The following APLP2 variants were observed in gnomAD, a reference collection of about 807,000 sequenced individuals.
The protein encoded by APLP2 is amyloid beta precursor like protein 2, also known as CDEI box-binding protein.
APLP2 carries 53 observed loss-of-function variants against 89.9 expected under a neutral mutation model. The observed-to-expected ratio is 0.59, with a 90% CI of 0.47 to 0.74. APLP2 has a LOEUF of 0.74. APLP2 is among the 30% of genes least tolerant of loss of function. The pLI is 0.00. For synonymous variants in APLP2, 372 were observed against 348.6 expected (o/e 1.07, Z -0.75); for missense variants, 973 against 975.9 (o/e 1.00, Z 0.04).
At chr11:130,115,207 TA>T (rs1407884200) in intron 3 of APLP2, among the ~76,000 whole-genome samples, 4 of 151,816 alleles carry the variant, frequency 2.6e-5, no homozygotes, top group East Asian at 1.9e-4. Flanking sequence ...TATTTATTAT[TA>T]TTTTTTTAAT....
intron 1 of APLP2, among the ~76,000 whole-genome samples, chr11:130,092,710 A>AGGGGGG (rs1190624016): frequency 1.3e-4 from 2 of 15,334 alleles, no homozygotes; most frequent in Admixed American, 6.9e-4. Flanking sequence ...GGGGGGAGGG[A>AGGGGGG]GGGGGAGGGG....
chr11:130,104,233 T>TTTG (rs1491108041), intron 1 of APLP2, among the ~76,000 whole-genome samples: 16 of 127,166 alleles, frequency 1.3e-4, no homozygotes, highest in African/African-American at 4.2e-4. Context: ...TTTTTTTTTT[T>TTTG]GAGACAGATT....
intron 5 of APLP2, 85 bp downstream of exon 5, chr11:130,121,895 A>C (rs1949868152): frequency 3.3e-6 from 5 of 1,538,302 alleles, no homozygotes; most frequent in Middle Eastern, 2.4e-4. Context: ...CTAGTCCCTC[A>C]CTTCTGGATA....
intron 1 of APLP2, chr11:130,101,810 A>G (rs1946967275): frequency 5.1e-6 from 2 of 391,234 alleles, no homozygotes; most frequent in East Asian, 7.4e-5. Flanking sequence ...CAGCACTGTT[A>G]ACTGACTTAC....
chr11:130,126,508 TG>T (rs1399219940), intron 7 of APLP2, among the ~76,000 whole-genome samples, 191 bp from the exon 8 acceptor site: 1 of 152,228 alleles, frequency 6.6e-6, no homozygotes, highest in Non-Finnish European at 1.5e-5. Context: ...CTGACATGGT[TG>T]ATGAATATTG....
intron 1 of APLP2, among the ~76,000 whole-genome samples, chr11:130,081,046 T>C (rs1157900250): frequency 6.6e-6 from 1 of 152,190 alleles, no homozygotes; most frequent in African/African-American, 2.4e-5. Flanking sequence ...AACCTTTAAG[T>C]TCTCCAAGTT....
intron 1 of APLP2, among the ~76,000 whole-genome samples, chr11:130,099,593 T>G (rs1946642947): frequency 6.6e-6 from 1 of 152,250 alleles, no homozygotes; most frequent in Admixed American, 6.5e-5. Context: ...TTGGCCATTT[T>G]CTTTTAAATG....
At chr11:130,132,386 T>C (rs928277819) in intron 11 of APLP2, among the ~76,000 whole-genome samples, 2 of 152,192 alleles carry the variant, frequency 1.3e-5, no homozygotes, top group Non-Finnish European at 2.9e-5. Context: ...TCCTTCATGT[T>C]AATGGCTTCA....
In APLP2 at chr11:130,141,495, C is replaced by T. The variant is rs577903186; in HGVS notation, c.1924-3C>T. On this transcript the variant is annotated splice_polypyrimidine_tract_variant and splice_region_variant and intron_variant, in intron 14 of 16. Coordinates refer to ENST00000338167, the MANE Select transcript of APLP2 (RefSeq NM_001142276.2). This position sits in a 1 kb window ranked among gnomAD's most constrained non-coding sequence, Gnocchi z 4.2. ...GCTGCCGACATTCTCATGACTGTTT[C>T]AGGTCATTGACGAGACTCTGGATGT... 2.5e-6 allele frequency: 4 copies of T among 1,613,574 alleles called. No individual in the cohort carries two copies. Among genetic ancestry groups the T allele is most frequent in the East Asian group, 2.2e-5 (1 of 44,844 alleles).
At chr11:130,080,968 C>T (rs1366606458) in intron 1 of APLP2, among the ~76,000 whole-genome samples, 2 of 152,064 alleles carry the variant, frequency 1.3e-5, no homozygotes, top group South Asian at 2.1e-4. Context: ...GGATTACAGG[C>T]GTGAGCCACC....
At chr11:130,092,795 CAAAG>C (rs1394430236) in intron 1 of APLP2, among the ~76,000 whole-genome samples, 1 of 151,940 alleles carries the variant, frequency 6.6e-6, no homozygotes, top group Non-Finnish European at 1.5e-5. Context: ...AATAAACTAA[CAAAG>C]AACAGGAAGG....
At chr11:130,133,487 C>G in intron 11 of APLP2, 142 bp from the exon 12 acceptor site, 1 of 626,826 alleles carries the variant, frequency 1.6e-6, no homozygotes, top group Non-Finnish European at 2.9e-6. Flanking sequence ...TTTCCCCTGA[C>G]CAGTTGCTTT....
At chr11:130,109,377 C>T (rs944009713) in intron 1 of APLP2, 52 bp from the exon 2 acceptor site, 4 of 1,526,642 alleles carry the variant, frequency 2.6e-6, no homozygotes, top group African/African-American at 1.4e-5. Context: ...ATGACTGTTG[C>T]CTCTGTGCTA....
chr11:130,142,127 G>T (rs1304671066), intron 16 of APLP2, 53 bp downstream of exon 16: 5 of 1,522,736 alleles, frequency 3.3e-6, no homozygotes, highest in Non-Finnish European at 3.5e-6. Flanking sequence ...TGGGTTGGGG[G>T]TGGGAACCTG....
At chr11:130,070,558 G>C in intron 1 of APLP2, 8 of 1,282,766 alleles carry the variant, frequency 6.2e-6, no homozygotes, top group Non-Finnish European at 7.9e-6. Context: ...TGCGAGCGGC[G>C]GGCTTCGCCT....
chr11:130,117,447 CTT>C (rs888274317), intron 3 of APLP2, among the ~76,000 whole-genome samples: 1 of 145,350 alleles, frequency 6.9e-6, no homozygotes, highest in African/African-American at 2.5e-5. Context: ...TCATCTCCAT[CTT>C]TTTTTTTTTC....
At position 130,129,226 on chromosome 11, in the gene APLP2, C is replaced by G. The variant is rs759005598; in HGVS notation, c.1455+20C>G. On this transcript the variant is annotated intron_variant, in intron 10 of 16. Coordinates refer to ENST00000338167, the MANE Select transcript of APLP2 (RefSeq NM_001142276.2). Reference sequence around the variant, plus strand: ...CCACGGGTGAGTCCTGCCCCTAGCACTGCCTGCCCTGAGGTGGTATATGTA... The same window carrying G: ...CCACGGGTGAGTCCTGCCCCTAGCAGTGCCTGCCCTGAGGTGGTATATGTA... The G allele has an allele frequency of 2.7e-4, 430 of 1,603,522 alleles. 1 individual carries two copies. Among genetic ancestry groups the G allele is most frequent in the Non-Finnish European group, 2.0e-4 (235 of 1,173,686 alleles).
At chr11:130,096,194 T>C (rs1321680373) in intron 1 of APLP2, among the ~76,000 whole-genome samples, 1 of 152,174 alleles carries the variant, frequency 6.6e-6, no homozygotes, top group African/African-American at 2.4e-5. Context: ...GAGAGGACAG[T>C]TGGCCTTGAG....
At chr11:130,134,435 C>G (rs1442382976) in intron 12 of APLP2, among the ~76,000 whole-genome samples, 1 of 152,182 alleles carries the variant, frequency 6.6e-6, no homozygotes, top group Non-Finnish European at 1.5e-5. Flanking sequence ...TTGAGTAGAT[C>G]AGTGTGGCTA....
Sources: allele counts gnomAD v4.1 joint callset (sites outside exome capture counted in the v4.1 genomes callset), GRCh38; gene constraint gnomAD v4.1.1; non-coding constraint Gnocchi (gnomAD v3.1); transcripts MANE v1.5; gene names NCBI Gene and HGNC (gene_info 2026-07-23, HGNC 2026-07-21).